COL6A3: variants seen among roughly 807,000 people sequenced by gnomAD.
COL6A3 encodes collagen alpha-3(VI) chain.
A neutral mutation model predicts 274.1 loss-of-function variants in COL6A3; 137 were observed. The ratio of observed to expected loss-of-function variants is 0.50; its 90% CI spans 0.44 to 0.58. The LOEUF (loss-of-function observed/expected upper bound fraction) is 0.58. Ranked by LOEUF, COL6A3 falls within the 20% of genes least tolerant of loss-of-function variation. COL6A3 has a pLI of 0.00. For synonymous variants in COL6A3, 1,650 were observed against 1,650.6 expected, an observed-to-expected ratio of 1.00 and a Z score of 0.01; for missense variants, 3,950 against 4,124.9, an observed-to-expected ratio of 0.96 and a Z score of 1.16.
In COL6A3 at chr2:237,382,562, C is replaced by T. The variant is rs191188271; in HGVS notation, c.1313-1063G>A. 2.4e-3 allele frequency among the ~76,000 whole-genome samples: 364 copies of T among 152,318 alleles called. 9 individuals carry two copies. The highest frequency in any genetic ancestry group is 0.021 in the Admixed American group (325 of 15,300). On this transcript the variant is annotated intron_variant, in intron 4 of 43. Transcript: ENST00000295550. ...GCAAGAACCATGAACTCTGTTAAGA[C>T]CACAACACCTAACCCAAAAACCTGA... is the stretch of plus-strand genomic sequence containing the variant.
At chr2:237,341,902 A>G (rs2076996505) in intron 37 of COL6A3, among the ~76,000 whole-genome samples, 163 bp downstream of exon 37, 1 of 152,222 alleles carries the variant, frequency 6.6e-6, no homozygotes. Flanking sequence ...CATTTTTAAT[A>G]TAGAAACTGC....
At position 237,383,326 on chromosome 2, in the gene COL6A3, T is replaced by C. The variant is rs2078058430; in HGVS notation, c.1313-1827A>G. ...ACAGTTGCCTACTGGTGTAACAATG[T>C]GTGCAGAACATCATTGAACCTTTTC... On this transcript the variant is annotated intron_variant, in intron 4 of 43. Coordinates refer to ENST00000295550, the MANE Select transcript of COL6A3 (RefSeq NM_004369.4). Among the ~76,000 whole-genome samples the C allele has an allele frequency of 3.3e-5, 5 of 152,396 alleles. 1 individual carries two copies. The South Asian group carries it at 1.0e-3, about 32-fold the overall frequency.
At chr2:237,334,375 C>T (rs1700421226) in intron 41 of COL6A3, among the ~76,000 whole-genome samples, 1 of 152,178 alleles carries the variant, frequency 6.6e-6, no homozygotes, top group African/African-American at 2.4e-5. Flanking sequence ...GATCTGGCTT[C>T]CTCCAAAAAG....
chr2:237,338,901 A>C, intron 39 of COL6A3, 114 bp downstream of exon 39: 1 of 767,666 alleles, frequency 1.3e-6, no homozygotes, highest in South Asian at 1.6e-5. Flanking sequence ...ACCTTTGGGA[A>C]GTCACATTTT....
At chr2:237,348,170 T>C (rs568717060) in intron 30 of COL6A3, among the ~76,000 whole-genome samples, 179 bp downstream of exon 30, 2 of 152,232 alleles carry the variant, frequency 1.3e-5, no homozygotes, top group Admixed American at 1.3e-4. Flanking sequence ...GTACGTATTA[T>C]GACCTCCACT....
intron 36 of COL6A3, chr2:237,342,865 C>G (rs1286205433): frequency 6.5e-6 from 1 of 153,362 alleles, no homozygotes; most frequent in Non-Finnish European, 1.5e-5. Flanking sequence ...AAGCCCAGCG[C>G]TCTATGCACA....
intron 1 of COL6A3, among the ~76,000 whole-genome samples, chr2:237,402,936 G>A (rs186041820): frequency 6.6e-6 from 1 of 152,320 alleles, no homozygotes; most frequent in East Asian, 1.9e-4. Context: ...TGAAATCAGG[G>A]ATGAGGATGA....
chr2:237,345,800 C>T (rs1031815149), intron 32 of COL6A3, among the ~76,000 whole-genome samples: 3 of 152,262 alleles, frequency 2.0e-5, no homozygotes, highest in South Asian at 2.1e-4. Context: ...TGTGCTCCCC[C>T]CAACACTTCA....
chr2:237,341,415 A>G (rs1280360108), intron 37 of COL6A3, among the ~76,000 whole-genome samples: 1 of 152,040 alleles, frequency 6.6e-6, no homozygotes, highest in Non-Finnish European at 1.5e-5. Context: ...CTGATGGCGC[A>G]TGCCTGTAAT....
In COL6A3 at chr2:237,396,752, T is replaced by C; in HGVS notation, c.66A>G (p.Thr22=). ...VFCLFLSGFP[T]THAQQQQADV... The stretch of plus-strand genomic sequence containing the variant: ...CTGCTTGCTGCTGCTGGGCATGAGT[T>C]GTAGGAAAGCCTGAGAGAAAGAGGC... Residue 22 remains threonine, a synonymous_variant, in exon 2 of 44, where the codon ACA becomes ACG. Transcript: ENST00000295550. The C allele has an allele frequency of 6.2e-7, 1 of 1,614,162 alleles. No individual in the cohort carries two copies.
intron 1 of COL6A3, among the ~76,000 whole-genome samples, chr2:237,408,418 C>A (rs954257589): frequency 6.6e-6 from 1 of 152,184 alleles, no homozygotes; most frequent in South Asian, 2.1e-4. Flanking sequence ...AAACAGAGCA[C>A]CCTGGTGCAC....
chr2:237,401,005 T>A (rs1030202972), intron 1 of COL6A3, among the ~76,000 whole-genome samples: 2 of 152,226 alleles, frequency 1.3e-5, no homozygotes, highest in Non-Finnish European at 2.9e-5. Context: ...GACCTCACAC[T>A]TATAATTTCA....
intron 40 of COL6A3, 93 bp from the exon 41 acceptor site, chr2:237,334,982 A>G: frequency 6.8e-7 from 1 of 1,477,430 alleles, no homozygotes; most frequent in South Asian, 1.1e-5. Context: ...GGATGTGTTA[A>G]CAGACAAATT....
At chr2:237,411,839 G>A (rs1216010450) in intron 1 of COL6A3, among the ~76,000 whole-genome samples, 1 of 152,212 alleles carries the variant, frequency 6.6e-6, no homozygotes, top group Non-Finnish European at 1.5e-5. Context: ...CACAACTATA[G>A]TGGGGTGGAA....
intron 21 of COL6A3, 145 bp downstream of exon 21, chr2:237,358,376 C>A: frequency 1.4e-6 from 1 of 737,522 alleles, no homozygotes; most frequent in East Asian, 2.6e-5. Flanking sequence ...CCCAAACCCC[C>A]AAACTGCAAG....
rs372051484 is a variant in COL6A3, at chr2:237,333,434, T to G, written c.9328+16A>C. On this transcript the variant is annotated intron_variant, in intron 42 of 43. Transcript: ENST00000295550. ...TTCTTAGTGCCATTAATGGACCTAATAGTTTCACAACTCACCTGTTTCAGT... is the reference window on the plus strand; with the variant it reads ...TTCTTAGTGCCATTAATGGACCTAAGAGTTTCACAACTCACCTGTTTCAGT... The G allele has an allele frequency of 1.2e-6, 2 of 1,608,664 alleles. No individual in the cohort carries two copies. Among genetic ancestry groups the G allele is most frequent in the African/African-American group, 2.7e-5 (2 of 74,832 alleles).
intron 5 of COL6A3, among the ~76,000 whole-genome samples, chr2:237,379,962 A>G (rs1327927941): frequency 1.3e-5 from 2 of 152,254 alleles, no homozygotes; most frequent in Non-Finnish European, 2.9e-5. Context: ...ATAATTCTCA[A>G]AATAGTGTAT....
chr2:237,337,775 C>T (rs1247267143), intron 39 of COL6A3, among the ~76,000 whole-genome samples: 1 of 152,194 alleles, frequency 6.6e-6, no homozygotes, highest in Non-Finnish European at 1.5e-5. Context: ...CCACTGCCCT[C>T]TTTGCTCCTA....
chr2:237,408,913 G>A (rs2078786001), intron 1 of COL6A3, among the ~76,000 whole-genome samples: 1 of 152,044 alleles, frequency 6.6e-6, no homozygotes, highest in African/African-American at 2.4e-5. Flanking sequence ...TTAAGCAACA[G>A]TTACTCCTCT....
Sources: gnomAD v4.1 joint callset for allele counts (sites outside exome capture counted in the v4.1 genomes callset) on GRCh38, gnomAD v4.1.1 for gene constraint, MANE v1.5 for transcripts, NCBI Gene and HGNC (gene_info 2026-07-23, HGNC 2026-07-21) for gene names.